The following NRXN3 variants were observed in gnomAD, a reference collection of about 807,000 sequenced individuals.
The protein encoded by NRXN3 is neurexin 3.
A neutral mutation model predicts 137.6 loss-of-function variants in NRXN3; 32 were observed. That is an observed-to-expected ratio of 0.23 (90% CI 0.18 to 0.31). The LOEUF is 0.31. Ranked by LOEUF, NRXN3 falls within the 10% of genes least tolerant of loss-of-function variation. The pLI, the probability that NRXN3 is intolerant of heterozygous loss-of-function variation, is 1.00. For missense variants in NRXN3, 1,574 were observed against 2,062.5 expected (o/e 0.76, Z 4.59); for synonymous variants, 798 against 784.5 (o/e 1.02, Z -0.29).
intron 4 of NRXN3, among the ~76,000 whole-genome samples, chr14:78,506,802 TA>T (rs773924183): frequency 5.3e-5 from 8 of 152,044 alleles, no homozygotes; most frequent in Non-Finnish European, 1.0e-4. Flanking sequence ...CCCAAGTGGC[TA>T]GGAGTACAGG....
chr14:78,537,357 G>A (rs901545398), intron 4 of NRXN3, among the ~76,000 whole-genome samples: 32 of 152,216 alleles, frequency 2.1e-4, no homozygotes, highest in Admixed American at 2.0e-3. Flanking sequence ...CTGATGACTG[G>A]TGATGATGAG....
chr14:79,704,231 G>A (rs1430320572), intron 19 of NRXN3, among the ~76,000 whole-genome samples: 2 of 152,134 alleles, frequency 1.3e-5, no homozygotes, highest in Admixed American at 6.6e-5. Context: ...ATGGTTCTAC[G>A]ATGACACACA....
At chr14:79,266,414 G>A (rs969650206) in intron 15 of NRXN3, among the ~76,000 whole-genome samples, 4 of 151,728 alleles carry the variant, frequency 2.6e-5, no homozygotes, top group African/African-American at 9.7e-5. Flanking sequence ...TTCTCTTAAA[G>A]GTAAGCTTTA....
intron 14 of NRXN3, among the ~76,000 whole-genome samples, chr14:78,974,291 G>T (rs868490234): frequency 1.3e-5 from 2 of 152,180 alleles, no homozygotes; most frequent in Non-Finnish European, 1.5e-5. Flanking sequence ...AGCTCCTTAG[G>T]ACTGGATTTA....
chr14:79,753,154 C>T (rs2099004700), intron 19 of NRXN3, among the ~76,000 whole-genome samples: 1 of 151,986 alleles, frequency 6.6e-6, no homozygotes, highest in African/African-American at 2.4e-5. Context: ...TTGTGGAAGT[C>T]AGTGTGGCGA....
At chr14:78,371,311 T>G (rs2086788950) in intron 4 of NRXN3, among the ~76,000 whole-genome samples, 2 of 152,280 alleles carry the variant, frequency 1.3e-5, no homozygotes, top group African/African-American at 2.4e-5. Flanking sequence ...ATGGCACAAC[T>G]TCGGAGAGGA....
chr14:79,785,378 A>G (rs1258977431), intron 19 of NRXN3, among the ~76,000 whole-genome samples: 2 of 152,230 alleles, frequency 1.3e-5, no homozygotes, highest in African/African-American at 4.8e-5. Context: ...TGATGACTTC[A>G]TGCTTACTCT....
chr14:78,932,282 T>C lies in NRXN3; in HGVS notation c.2276-24960T>C, dbSNP rs2099324359. Among the ~76,000 whole-genome samples the C allele has an allele frequency of 2.0e-5, 3 of 152,114 alleles. No individual in the cohort carries two copies. The South Asian group carries it at 6.2e-4, about 32-fold the overall frequency. ...GGTGGAAAGTCTGCAGTCAGCACTT[T>C]GATCAGGTCAAACCCAGTAATATTT... is the stretch of plus-strand genomic sequence containing the variant. On this transcript the variant is annotated intron_variant, in intron 10 of 20. Transcript: ENST00000335750.
At chr14:78,525,760 A>G (rs1248136518) in intron 4 of NRXN3, among the ~76,000 whole-genome samples, 2 of 152,210 alleles carry the variant, frequency 1.3e-5, no homozygotes, top group Non-Finnish European at 2.9e-5. Flanking sequence ...CAAAAAATGG[A>G]AATCAAGATG....
chr14:78,422,443 A>G (rs2093486987), intron 4 of NRXN3, among the ~76,000 whole-genome samples: 1 of 152,202 alleles, frequency 6.6e-6, no homozygotes, highest in South Asian at 2.1e-4. Flanking sequence ...GAACTCTTCA[A>G]TGCAAAGGTT....
At chr14:79,414,936 T>A (rs2095475107) in intron 15 of NRXN3, among the ~76,000 whole-genome samples, 1 of 152,158 alleles carries the variant, frequency 6.6e-6, no homozygotes, top group African/African-American at 2.4e-5. Flanking sequence ...TTAGATTCAA[T>A]ATATAAGTGA....
intron 4 of NRXN3, among the ~76,000 whole-genome samples, chr14:78,389,836 A>G (rs2090520883): frequency 6.6e-6 from 1 of 152,172 alleles, no homozygotes; most frequent in Admixed American, 6.5e-5. Context: ...CAGAGATTAG[A>G]TAAATATTCA....
intron 10 of NRXN3, among the ~76,000 whole-genome samples, chr14:78,850,609 G>GT (rs553399566): frequency 7.6e-4 from 115 of 152,206 alleles, no homozygotes; most frequent in African/African-American, 2.7e-3. Flanking sequence ...AATGTTGTAT[G>GT]TTTTTTATAA....
intron 1 of NRXN3, among the ~76,000 whole-genome samples, chr14:78,232,527 G>A (rs1315466056): frequency 6.6e-6 from 1 of 152,264 alleles, no homozygotes; most frequent in East Asian, 1.9e-4. Flanking sequence ...CTGGTGCTGC[G>A]AAAGCTGGAT....
chr14:78,595,196 CATCA>C (rs1432826737), intron 4 of NRXN3, among the ~76,000 whole-genome samples: 1 of 152,214 alleles, frequency 6.6e-6, no homozygotes, highest in African/African-American at 2.4e-5. Flanking sequence ...TTAGCTGAGA[CATCA>C]GTGAAGCCAA....
intron 19 of NRXN3, among the ~76,000 whole-genome samples, chr14:79,800,847 T>C (rs1178754290): frequency 1.3e-5 from 2 of 152,228 alleles, no homozygotes; most frequent in Non-Finnish European, 2.9e-5. Flanking sequence ...TGCCATTAAT[T>C]TAGGATATGA....
chr14:78,941,830 G>A (rs1391592793), intron 10 of NRXN3, among the ~76,000 whole-genome samples: 1 of 152,176 alleles, frequency 6.6e-6, no homozygotes, highest in African/African-American at 2.4e-5. Context: ...CTGTTCTCTA[G>A]CACCCCTGTG....
rs527423426 is a variant in NRXN3 at position 79,271,968 on chromosome 14, A to T, written c.3263-195253A>T. Among the ~76,000 whole-genome samples the T allele has an allele frequency of 2.0e-5, 3 of 152,302 alleles. No individual in the cohort carries two copies. The South Asian group carries it at 6.2e-4, about 32-fold the overall frequency. ...AAGCAGGCTCAAAAAGTTTAAGGTA[A>T]CTTGTTCAAAGTCATATAGCCAGTG... On this transcript the variant is annotated intron_variant, in intron 15 of 20. Coordinates refer to ENST00000335750, the MANE Select transcript of NRXN3 (RefSeq NM_001330195.2).
chr14:78,965,949 C>T, intron 11 of NRXN3, 76 bp from the exon 12 acceptor site: 4 of 1,510,608 alleles, frequency 2.6e-6, no homozygotes, highest in Non-Finnish European at 3.6e-6. Context: ...CAGGTTACAC[C>T]CAAAAAATAT....
Sources: allele counts gnomAD v4.1 joint callset (sites outside exome capture counted in the v4.1 genomes callset), GRCh38; gene constraint gnomAD v4.1.1; transcripts MANE v1.5; gene names NCBI Gene and HGNC (gene_info 2026-07-23, HGNC 2026-07-21).